VPS13B: variants seen among roughly 807,000 people sequenced by gnomAD.
VPS13B encodes the protein intermembrane lipid transfer protein VPS13B.
Under a neutral mutation model 426.4 loss-of-function variants are expected in VPS13B, and 285 were observed. The observed-to-expected ratio is 0.67, with a 90% CI of 0.61 to 0.74. The LOEUF (loss-of-function observed/expected upper bound fraction) is 0.74. Ranked by LOEUF, VPS13B falls within the 30% of genes least tolerant of loss-of-function variation. The pLI is 0.00. For missense variants in VPS13B, 4,537 were observed against 4,782.6 expected (o/e 0.95, Z 1.51); for synonymous variants, 1,676 against 1,676.4 (o/e 1.00, Z 0.01).
At chr8:99,123,142 A>G (rs867702408) in intron 8 of VPS13B, among the ~76,000 whole-genome samples, 26 of 151,060 alleles carry the variant, frequency 1.7e-4, no homozygotes, top group South Asian at 4.2e-4. Flanking sequence ...AAAAAAAAAA[A>G]AAAGAAAGAA....
chr8:99,497,383 TA>T (rs1473798058), intron 25 of VPS13B, among the ~76,000 whole-genome samples: 1 of 144,508 alleles, frequency 6.9e-6, no homozygotes. Flanking sequence ...TATATTTAAA[TA>T]TAAAAATATA....
chr8:99,179,885 A>G (rs967378746), intron 16 of VPS13B, among the ~76,000 whole-genome samples: 1 of 151,980 alleles, frequency 6.6e-6, no homozygotes, highest in Non-Finnish European at 1.5e-5. Context: ...TTTTTTGACA[A>G]TCAAGTTCTA....
intron 23 of VPS13B, among the ~76,000 whole-genome samples, chr8:99,459,976 A>G (rs1818741087): frequency 6.6e-6 from 1 of 152,126 alleles, no homozygotes; most frequent in South Asian, 2.1e-4. Context: ...TTTTTACGTT[A>G]AACTTACTTT....
intron 21 of VPS13B, among the ~76,000 whole-genome samples, chr8:99,421,940 C>T (rs1210515750): frequency 1.3e-5 from 2 of 152,074 alleles, no homozygotes; most frequent in Admixed American, 1.3e-4. Context: ...CCTCAGCCTC[C>T]CAAGGTGCTG....
chr8:99,382,924 C>T (rs1350425466), intron 19 of VPS13B, among the ~76,000 whole-genome samples: 2 of 152,228 alleles, frequency 1.3e-5, no homozygotes, highest in Middle Eastern at 3.4e-3. Context: ...AGCTTTTCCC[C>T]ATTCAGTATG....
At chr8:99,665,813 G>T (rs1830463504) in intron 35 of VPS13B, among the ~76,000 whole-genome samples, 1 of 152,088 alleles carries the variant, frequency 6.6e-6, no homozygotes, top group Admixed American at 6.5e-5. Context: ...CTCTTTTTTG[G>T]TTCCATATGA....
intron 15 of VPS13B, among the ~76,000 whole-genome samples, chr8:99,162,250 A>T (rs1811700172): frequency 6.6e-6 from 1 of 152,122 alleles, no homozygotes; most frequent in Admixed American, 6.5e-5. Context: ...GTAGCCTTTG[A>T]GGAAGTTTTT....
intron 25 of VPS13B, among the ~76,000 whole-genome samples, chr8:99,497,188 ATACATGT>A: frequency 5.7e-5 from 8 of 140,694 alleles, no homozygotes; most frequent in Admixed American, 7.4e-5. Context: ...TAATATATAA[ATACATGT>A]ATTTATATAT....
chr8:99,209,746 G>T, intron 17 of VPS13B: 1 of 972,884 alleles, frequency 1.0e-6, no homozygotes, highest in Non-Finnish European at 1.2e-6. Context: ...ATACATAATT[G>T]TATAGTCAAA....
intron 18 of VPS13B, among the ~76,000 whole-genome samples, chr8:99,274,571 G>T (rs1487033683): frequency 6.6e-6 from 1 of 151,842 alleles, no homozygotes; most frequent in Non-Finnish European, 1.5e-5. Context: ...AAAATTAAAG[G>T]AATGTTTATT....
chr8:99,799,882 G>A (rs1813036016), intron 43 of VPS13B, among the ~76,000 whole-genome samples: 1 of 152,122 alleles, frequency 6.6e-6, no homozygotes, highest in African/African-American at 2.4e-5. Flanking sequence ...CTGACAATTT[G>A]ACTCCCAGAA....
intron 23 of VPS13B, among the ~76,000 whole-genome samples, chr8:99,458,412 A>C (rs1456491354): frequency 6.6e-6 from 1 of 152,184 alleles, no homozygotes; most frequent in African/African-American, 2.4e-5. Flanking sequence ...AGCATGATTT[A>C]TAATCCTTTG....
In VPS13B at chr8:99,214,573, CA is replaced by C. The variant is rs1315871062; in HGVS notation, c.2515+21518del. On this transcript the variant is annotated intron_variant, in intron 17 of 61. Transcript: ENST00000357162. The stretch of plus-strand genomic sequence containing the variant: ...GCATTTTGTTAACGTGTCTCATCCA[CA>C]ATGTGTATAGGTTTAACTGATTATA... Among the ~76,000 whole-genome samples the C allele has an allele frequency of 2.6e-5, 4 of 152,112 alleles. No homozygotes were observed. In the East Asian group the frequency reaches 7.7e-4, roughly 29 times the overall value.
chr8:99,747,924 T>G (rs1810181752), intron 39 of VPS13B, among the ~76,000 whole-genome samples: 2 of 152,044 alleles, frequency 1.3e-5, no homozygotes, highest in African/African-American at 2.4e-5. Context: ...CCTGATTGAC[T>G]ATTCTGTGTG....
intron 15 of VPS13B, among the ~76,000 whole-genome samples, chr8:99,161,732 CT>C (rs374438896): frequency 0.017 from 2,184 of 131,000 alleles, 37 homozygotes; most frequent in African/African-American, 0.052. Flanking sequence ...GTACTAAATC[CT>C]TTTTTTTTTT....
chr8:99,614,835 C>T (rs1321692154), intron 33 of VPS13B, among the ~76,000 whole-genome samples: 1 of 151,970 alleles, frequency 6.6e-6, no homozygotes, highest in Non-Finnish European at 1.5e-5. Flanking sequence ...ATTTACTTGC[C>T]AGCCAGATGC....
At chr8:99,427,415 A>G (rs1461726655) in intron 21 of VPS13B, among the ~76,000 whole-genome samples, 2 of 148,730 alleles carry the variant, frequency 1.3e-5, no homozygotes, top group Non-Finnish European at 3.0e-5. Context: ...TTGGTTCCAT[A>G]TGAACTTTAA....
At chr8:99,609,310 G>C (rs1010555064) in intron 33 of VPS13B, among the ~76,000 whole-genome samples, 12 of 152,150 alleles carry the variant, frequency 7.9e-5, no homozygotes, top group Middle Eastern at 3.4e-3. Flanking sequence ...AATTCACATT[G>C]GTTAATATTA....
intron 19 of VPS13B, among the ~76,000 whole-genome samples, chr8:99,335,733 G>C (rs1284757429): frequency 1.3e-5 from 2 of 152,076 alleles, no homozygotes; most frequent in East Asian, 1.9e-4. Context: ...GACAAACAGA[G>C]AGCCAAATCA....
Sources: allele counts gnomAD v4.1 joint callset (sites outside exome capture counted in the v4.1 genomes callset), GRCh38; gene constraint gnomAD v4.1.1; transcripts MANE v1.5; gene names NCBI Gene and HGNC (gene_info 2026-07-23, HGNC 2026-07-21).